The following GLIPR1L1 variants were observed in gnomAD, a reference collection of about 807,000 sequenced individuals.
GLIPR1L1 encodes the protein GLIPR1 like 1.
GLIPR1L1 carries 26 observed loss-of-function variants against 29.9 expected under a neutral mutation model. That is an observed-to-expected ratio of 0.87 (90% confidence interval 0.64 to 1.21). GLIPR1L1 has a LOEUF of 1.21. Ranked by LOEUF, GLIPR1L1 falls within the 50% of genes most tolerant of loss-of-function variation. GLIPR1L1 has a pLI of 0.00. For missense variants in GLIPR1L1, 305 were observed against 290.3 expected, an observed-to-expected ratio of 1.05 and a Z score of -0.37; for synonymous variants, 77 against 97.5, an observed-to-expected ratio of 0.79 and a Z score of 1.24.
chr12:75,343,699 GA>G lies in GLIPR1L1; in HGVS notation c.182del (p.Asp61ValfsTer4). 6.2e-7 allele frequency: 1 copy of G among 1,601,600 alleles called. No homozygotes were observed. The highest frequency in any genetic ancestry group is 1.3e-5 in the African/African-American group (1 of 74,574). On this transcript the variant is annotated frameshift_variant, in exon 2 of 6. Coordinates refer to ENST00000378695, the MANE Select transcript of GLIPR1L1 (RefSeq NM_001304964.2). LOFTEE classifies it high-confidence loss of function. Reference sequence around the variant, plus strand: ...AATTATTTTTATCTTTCAGATTTGGGATAAAGGTTTAGCAAAGATGGCTAAA... The same window carrying G: ...AATTATTTTTATCTTTCAGATTTGGGTAAAGGTTTAGCAAAGATGGCTAAA... ...PAADMKYMIW[D>X]KGLAKMAKAW...
intron 1 of GLIPR1L1, among the ~76,000 whole-genome samples, chr12:75,339,687 C>T (rs2041973989): frequency 6.6e-6 from 1 of 152,062 alleles, no homozygotes. Context: ...ATGGTATTGC[C>T]TAGATTTTTC....
At chr12:75,337,225 A>G (rs2041797243) in intron 1 of GLIPR1L1, among the ~76,000 whole-genome samples, 1 of 151,816 alleles carries the variant, frequency 6.6e-6, no homozygotes, top group Non-Finnish European at 1.5e-5. Context: ...TAAGCACAAG[A>G]AAATTTTTAA....
intron 1 of GLIPR1L1, among the ~76,000 whole-genome samples, chr12:75,335,442 T>G (rs2139222273): frequency 6.6e-6 from 1 of 152,344 alleles, no homozygotes; most frequent in South Asian, 2.1e-4. Flanking sequence ...TTACAAAATT[T>G]TAAATACTTG....
At chr12:75,363,337 G>T (rs574217485) in intron 4 of GLIPR1L1, 147 bp downstream of exon 4, 2 of 396,300 alleles carry the variant, frequency 5.0e-6, no homozygotes, top group South Asian at 9.6e-5. Context: ...GTCATAAATT[G>T]TAATACTTAA....
intron 1 of GLIPR1L1, among the ~76,000 whole-genome samples, chr12:75,340,042 G>T (rs1165092986): frequency 1.3e-5 from 2 of 151,758 alleles, no homozygotes; most frequent in Non-Finnish European, 2.9e-5. Context: ...TAGAATAATG[G>T]TCTCCAACTC....
chr12:75,343,098 A>G (rs2042226370), intron 1 of GLIPR1L1, among the ~76,000 whole-genome samples: 1 of 151,908 alleles, frequency 6.6e-6, no homozygotes, highest in Non-Finnish European at 1.5e-5. Context: ...ATCCTTATAC[A>G]TTTTATATAT....
chr12:75,369,788 T>C, intron 4 of GLIPR1L1, 172 bp from the exon 5 acceptor site: 1 of 983,402 alleles, frequency 1.0e-6, no homozygotes, highest in Non-Finnish European at 1.2e-6. Flanking sequence ...GTAGGAAGCA[T>C]CGTAAAGAGT....
At chr12:75,366,787 C>T (rs1051878728) in intron 4 of GLIPR1L1, 1 of 686,362 alleles carries the variant, frequency 1.5e-6, no homozygotes, top group Non-Finnish European at 2.6e-6. Flanking sequence ...CAGTTTCTCT[C>T]TTCAGAGGTC....
At chr12:75,365,472 T>C (rs2043902325) in intron 4 of GLIPR1L1, among the ~76,000 whole-genome samples, 2 of 152,212 alleles carry the variant, frequency 1.3e-5, no homozygotes, top group Non-Finnish European at 2.9e-5. Flanking sequence ...TAATTCCTTT[T>C]ACCTTCTTTT....
chr12:75,364,140 T>C (rs1459853495), intron 4 of GLIPR1L1, among the ~76,000 whole-genome samples: 1 of 152,252 alleles, frequency 6.6e-6, no homozygotes, highest in African/African-American at 2.4e-5. Context: ...GAGTCTCTTC[T>C]ATTAGACTTA....
intron 2 of GLIPR1L1, 111 bp from the exon 3 acceptor site, chr12:75,347,511 T>A (rs1167667487): frequency 1.8e-6 from 1 of 553,146 alleles, no homozygotes; most frequent in Non-Finnish European, 3.2e-6. Flanking sequence ...CTAATAAATA[T>A]TTATGTACAT....
intron 2 of GLIPR1L1, among the ~76,000 whole-genome samples, chr12:75,344,153 T>TA (rs1478026771): frequency 6.6e-6 from 1 of 152,092 alleles, no homozygotes. Context: ...TGTAAGTCTA[T>TA]AACTTAAATC....
At chr12:75,345,285 CAG>C (rs938523162) in intron 2 of GLIPR1L1, among the ~76,000 whole-genome samples, 7 of 151,908 alleles carry the variant, frequency 4.6e-5, no homozygotes, top group African/African-American at 1.7e-4. Flanking sequence ...CTGCAAATCT[CAG>C]GGGTATTATG....
intron 1 of GLIPR1L1, among the ~76,000 whole-genome samples, chr12:75,337,688 T>C (rs2041831488): frequency 1.3e-5 from 2 of 152,030 alleles, no homozygotes; most frequent in Admixed American, 6.5e-5. Flanking sequence ...CATATATGCG[T>C]GCCATGTTAT....
chr12:75,358,025 A>G (rs1243833686), intron 3 of GLIPR1L1, among the ~76,000 whole-genome samples: 1 of 151,632 alleles, frequency 6.6e-6, no homozygotes, highest in African/African-American at 2.4e-5. Flanking sequence ...TAAAATAACA[A>G]ACAGAAAAAC....
At chr12:75,344,117 C>G (rs2042296161) in intron 2 of GLIPR1L1, among the ~76,000 whole-genome samples, 179 bp downstream of exon 2, 1 of 152,010 alleles carries the variant, frequency 6.6e-6, no homozygotes, top group Non-Finnish European at 1.5e-5. Context: ...GTTTCTTGTG[C>G]TGCAGTTCAC....
chr12:75,340,355 A>G (rs933908384), intron 1 of GLIPR1L1, among the ~76,000 whole-genome samples: 5 of 151,968 alleles, frequency 3.3e-5, no homozygotes, highest in African/African-American at 9.6e-5. Context: ...GAGCAAGGAT[A>G]GTCTATTCAA....
intron 4 of GLIPR1L1, 120 bp from the exon 5 acceptor site, chr12:75,369,840 G>C (rs1429774980): frequency 7.0e-5 from 93 of 1,329,128 alleles, no homozygotes; most frequent in Non-Finnish European, 8.3e-5. Flanking sequence ...TCATTTTCTT[G>C]TTAAAAAGTC....
intron 3 of GLIPR1L1, among the ~76,000 whole-genome samples, chr12:75,349,154 A>G (rs1593727094): frequency 6.6e-6 from 1 of 152,316 alleles, no homozygotes; most frequent in East Asian, 1.9e-4. Flanking sequence ...ACTTCAGGCC[A>G]GGTTAAGAAG....
Sources: gnomAD v4.1 joint callset for allele counts (sites outside exome capture counted in the v4.1 genomes callset) on GRCh38, gnomAD v4.1.1 for gene constraint, MANE v1.5 for transcripts, NCBI Gene and HGNC (gene_info 2026-07-23, HGNC 2026-07-21) for gene names.